Variants in PTPRD observed in about 807,000 individuals in gnomAD.
The protein encoded by PTPRD is receptor-type tyrosine-protein phosphatase delta.
In PTPRD, 34 loss-of-function variants were observed where a neutral mutation model predicts 214.5. The ratio of observed to expected loss-of-function variants is 0.16; its 90% CI spans 0.12 to 0.21. PTPRD has a LOEUF of 0.21. PTPRD is among the 10% of genes least tolerant of loss of function. PTPRD has a pLI of 1.00. For missense variants in PTPRD, 2,545 were observed against 2,398.7 expected (o/e 1.06, Z -1.27); for synonymous variants, 1,128 against 845.7 (o/e 1.33, Z -5.79).
At chr9:9,809,071 C>T (rs1267809368) in intron 5 of PTPRD, among the ~76,000 whole-genome samples, 1 of 151,834 alleles carries the variant, frequency 6.6e-6, no homozygotes, top group African/African-American at 2.4e-5. Flanking sequence ...CAGGCAGAAG[C>T]CTCCGTGCCT....
In PTPRD at chr9:9,139,067, A is replaced by T. The variant is rs141164502; in HGVS notation, c.-143+44237T>A. On this transcript the variant is annotated intron_variant, in intron 10 of 45. Transcript: ENST00000381196. Reference sequence around the variant, plus strand: ...ACTCTCAAATCCAAATTTGGGTATCATCTATTCTTACTAGCTATGCAGGAG... The same window carrying T: ...ACTCTCAAATCCAAATTTGGGTATCTTCTATTCTTACTAGCTATGCAGGAG... Among the ~76,000 whole-genome samples, 449 of 152,206 alleles carry T rather than the reference A, an allele frequency of 2.9e-3. 1 individual carries two copies. The highest frequency in any genetic ancestry group is 0.01 in the African/African-American group (419 of 41,524).
chr9:9,509,162 C>T (rs146495293), intron 8 of PTPRD, among the ~76,000 whole-genome samples: 119 of 151,660 alleles, frequency 7.8e-4, no homozygotes, highest in African/African-American at 2.8e-3. Flanking sequence ...GGAGGAAAAG[C>T]CATTCTAAGT....
chr9:9,389,220 G>C (rs1333466989), intron 9 of PTPRD, among the ~76,000 whole-genome samples: 1 of 152,126 alleles, frequency 6.6e-6, no homozygotes, highest in Non-Finnish European at 1.5e-5. Context: ...CTCAAAAATA[G>C]TAAAACGCAG....
chr9:10,095,412 C>T (rs543955559), intron 3 of PTPRD, among the ~76,000 whole-genome samples: 1 of 151,556 alleles, frequency 6.6e-6, no homozygotes, highest in African/African-American at 2.4e-5. Flanking sequence ...CCACAACATA[C>T]CTGCATGTCA....
intron 8 of PTPRD, among the ~76,000 whole-genome samples, chr9:9,531,996 T>C (rs2075582373): frequency 6.9e-6 from 1 of 145,132 alleles, no homozygotes; most frequent in South Asian, 2.1e-4. Context: ...ATTAAAATGT[T>C]TTACCAATAT....
chr9:10,059,683 G>A (rs549889208), intron 3 of PTPRD, among the ~76,000 whole-genome samples: 2 of 151,434 alleles, frequency 1.3e-5, no homozygotes, highest in African/African-American at 2.4e-5. Flanking sequence ...TAGATATGAG[G>A]ATTAACAAAT....
chr9:9,891,393 A>G (rs970177199), intron 5 of PTPRD, among the ~76,000 whole-genome samples: 15 of 150,890 alleles, frequency 9.9e-5, no homozygotes, highest in Middle Eastern at 3.2e-3. Flanking sequence ...TTTTTTTAGC[A>G]CAGAAGTATC....
At chr9:8,536,156 G>C (rs187032556) in intron 14 of PTPRD, among the ~76,000 whole-genome samples, 3 of 151,764 alleles carry the variant, frequency 2.0e-5, no homozygotes, top group Non-Finnish European at 4.4e-5. Context: ...TTCAGCTCTA[G>C]ATTTGGTGTC....
intron 8 of PTPRD, among the ~76,000 whole-genome samples, chr9:9,486,609 C>T (rs968908399): frequency 1.3e-5 from 2 of 151,596 alleles, no homozygotes; most frequent in African/African-American, 4.9e-5. Context: ...TTATTGTTTG[C>T]ATCCCTCTCA....
intron 7 of PTPRD, among the ~76,000 whole-genome samples, chr9:9,641,427 G>T (rs1323916285): frequency 6.6e-6 from 1 of 152,134 alleles, no homozygotes; most frequent in African/African-American, 2.4e-5. Flanking sequence ...AGCAGGCAAA[G>T]ATAAGTAAGG....
At chr9:10,135,993 G>C (rs760644240) in intron 3 of PTPRD, among the ~76,000 whole-genome samples, 1 of 149,664 alleles carries the variant, frequency 6.7e-6, no homozygotes, top group Non-Finnish European at 1.5e-5. Flanking sequence ...AGAGACCCAC[G>C]TCATATGTAA....
intron 7 of PTPRD, among the ~76,000 whole-genome samples, chr9:9,614,229 A>G (rs866360156): frequency 1.1e-4 from 17 of 152,098 alleles, no homozygotes; most frequent in African/African-American, 3.9e-4. Flanking sequence ...TTGTGGATCA[A>G]TGCTGACCTG....
At chr9:8,799,111 CTT>C (rs761142379) in intron 11 of PTPRD, among the ~76,000 whole-genome samples, 13 of 152,278 alleles carry the variant, frequency 8.5e-5, no homozygotes, top group Non-Finnish European at 1.8e-4. Flanking sequence ...CTATAATACT[CTT>C]TATCTACATG....
chr9:10,591,348 T>C (rs2075392819), intron 2 of PTPRD, among the ~76,000 whole-genome samples: 1 of 152,226 alleles, frequency 6.6e-6, no homozygotes, highest in East Asian at 1.9e-4. Context: ...AAAAGCACCA[T>C]GCCTGTACTA....
intron 7 of PTPRD, among the ~76,000 whole-genome samples, chr9:9,588,894 T>C (rs1184304063): frequency 6.6e-6 from 1 of 151,990 alleles, no homozygotes; most frequent in Non-Finnish European, 1.5e-5. Flanking sequence ...GTTCAAACTC[T>C]TTGTATCTCC....
chr9:9,888,352 G>C (rs763241090), intron 5 of PTPRD, among the ~76,000 whole-genome samples: 7 of 152,110 alleles, frequency 4.6e-5, no homozygotes, highest in African/African-American at 4.8e-5. Context: ...AAGATATAGA[G>C]GACTACTGCC....
chr9:10,280,360 CCACACACACACA>C (rs61249776), intron 3 of PTPRD, among the ~76,000 whole-genome samples: 12,488 of 144,784 alleles, frequency 0.086, 631 homozygotes, highest in Non-Finnish European at 0.12. Flanking sequence ...TACATAAACA[CCACACACACACA>C]CACACACACA....
intron 44 of PTPRD, among the ~76,000 whole-genome samples, chr9:8,322,816 G>T (rs960458571): frequency 2.6e-5 from 4 of 152,172 alleles, no homozygotes; most frequent in African/African-American, 7.2e-5. Context: ...TACAGAGGAG[G>T]AGTCAATGCC....
intron 5 of PTPRD, among the ~76,000 whole-genome samples, chr9:9,787,772 T>TTTATTATTATTA (rs373362978): frequency 0.08 from 11,870 of 149,086 alleles, 553 homozygotes; most frequent in South Asian, 0.15. Context: ...CAATTTTTTA[T>TTTATTATTATTA]TTATTATTAT....
Sources: gnomAD v4.1 joint callset for allele counts (sites outside exome capture counted in the v4.1 genomes callset) on GRCh38, gnomAD v4.1.1 for gene constraint, MANE v1.5 for transcripts, NCBI Gene and HGNC (gene_info 2026-07-23, HGNC 2026-07-21) for gene names.